The following TEX29 variants were observed in gnomAD, a reference collection of about 807,000 sequenced individuals.
TEX29 encodes testis expressed 29, also known as testis-expressed protein 29.
TEX29 carries 26 observed loss-of-function variants against 18.2 expected under a neutral mutation model. The observed-to-expected ratio is 1.43, with a 90% CI of 1.04 to 1.98. TEX29 has a LOEUF of 1.98. TEX29 is among the 30% of genes most tolerant of loss of function. The probability of loss-of-function intolerance (pLI) is 0.00; values close to 1 mark genes in which losing one functional copy is unlikely to be tolerated. For synonymous variants in TEX29, 83 were observed against 78.5 expected (o/e 1.06, Z -0.31); for missense variants, 177 against 194.2 (o/e 0.91, Z 0.53).
At chr13:111,320,578 C>T, upstream of TEX29, 1 of 474,090 alleles carries the variant, frequency 2.1e-6, no homozygotes, top group East Asian at 4.0e-5. Flanking sequence ...CCCACGTGAC[C>T]TCATGAGGCT....
At chr13:111,326,344 CTGGGGCTGGTGGG>C (rs2153641416) in intron 2 of TEX29, among the ~76,000 whole-genome samples, 1 of 11,150 alleles carries the variant, frequency 9.0e-5, no homozygotes, top group Non-Finnish European at 2.0e-4. Flanking sequence ...CAACGCGAGC[CTGGGGCTGGTGGG>C]TGTCTGGTGG....
At chr13:111,341,734 G>A (rs1251593872) in intron 4 of TEX29, among the ~76,000 whole-genome samples, 2 of 150,274 alleles carry the variant, frequency 1.3e-5, no homozygotes, top group African/African-American at 2.5e-5. Flanking sequence ...ATCATAACCC[G>A]TGTTTAGTGA....
At chr13:111,338,063 G>A (rs1567163903) in intron 3 of TEX29, among the ~76,000 whole-genome samples, 1 of 152,180 alleles carries the variant, frequency 6.6e-6, no homozygotes, top group South Asian at 2.1e-4. Flanking sequence ...TCCAGGGAGT[G>A]CGGATCCCTT....
At chr13:111,339,761 C>T (rs980299563) in intron 3 of TEX29, 102 bp from the exon 4 acceptor site, 70 of 1,173,730 alleles carry the variant, frequency 6.0e-5, no homozygotes, top group Admixed American at 4.5e-4. Context: ...GCAGCCGCGC[C>T]GGGAGGGCCC....
rs181566426 is a variant in TEX29 at position 111,324,748 on chromosome 13, G to A, written c.59-3435G>A. 5.6e-4 allele frequency among the ~76,000 whole-genome samples: 85 copies of A among 152,314 alleles called. 1 individual carries two copies. The East Asian group carries it at 9.3e-3, about 17-fold the overall frequency. ...TTAAAACGATGATGCCTCACTGCCT[G>A]GGTCGGAAAGCCCTGGCCTCAGATC... On this transcript the variant is annotated intron_variant, in intron 2 of 5. Transcript: ENST00000283547.
chr13:111,339,764 G>T (rs1231085550), intron 3 of TEX29, 99 bp from the exon 4 acceptor site: 19 of 1,223,466 alleles, frequency 1.6e-5, no homozygotes, highest in Non-Finnish European at 2.3e-5. Context: ...GCCGCGCCGG[G>T]AGGGCCCGCA....
upstream of TEX29, among the ~76,000 whole-genome samples, chr13:111,316,578 G>A (rs541448072): frequency 5.9e-5 from 9 of 152,336 alleles, no homozygotes; most frequent in South Asian, 1.7e-3. Context: ...GGAGTGTAAC[G>A]CTGGGCCCGG....
In TEX29 at chr13:111,342,772, A is replaced by C. The variant is rs761433312; in HGVS notation, c.256A>C (p.Arg86=). The C allele has an allele frequency of 1.2e-6, 2 of 1,614,032 alleles. No homozygotes were observed. The highest frequency in any genetic ancestry group is 1.7e-6 in the Non-Finnish European group (2 of 1,180,004). ...TIIYRVIQES[R]KEKAIPVDVA... is the part of the protein sequence containing the mutation. The stretch of plus-strand genomic sequence containing the variant: ...TCCCATCAGAGTCATTCAGGAGAGC[A>C]GGAAAGAAAAGGCCATCCCTGTGGA... Residue 86 remains arginine, a synonymous_variant, in exon 5 of 6, where the codon AGG becomes CGG. Transcript: ENST00000283547.
At chr13:111,327,431 G>A (rs1045837131) in intron 2 of TEX29, among the ~76,000 whole-genome samples, 1 of 152,178 alleles carries the variant, frequency 6.6e-6, no homozygotes, top group Non-Finnish European at 1.5e-5. Context: ...CAGTGGCTTG[G>A]GTGCAGCCTT....
upstream of TEX29, among the ~76,000 whole-genome samples, chr13:111,317,249 C>T (rs765425619): frequency 1.6e-4 from 25 of 152,050 alleles, no homozygotes; most frequent in Admixed American, 1.2e-3. Flanking sequence ...GGAATCATCC[C>T]GGGAGCCGTC....
upstream of TEX29, among the ~76,000 whole-genome samples, chr13:111,319,734 C>T (rs955230851): frequency 1.3e-5 from 2 of 152,160 alleles, no homozygotes; most frequent in African/African-American, 4.8e-5. Context: ...CTCAAGCGAT[C>T]CTCCCGCCTT....
Position 111,342,805 on chromosome 13 carries a change from C to G in TEX29, c.289C>G (p.Leu97Val), listed in dbSNP as rs149892299. Residue 97 changes from leucine to valine, a missense_variant, in exon 5 of 6, where the codon CTG (leucine) becomes GTG (valine). Transcript: ENST00000283547. ...KEKAIPVDVA[L>V]PQKSSEKAEL... ...AAAGGCCATCCCTGTGGATGTCGCGCTGCCACAGAAGTCCAGCGAAAAGGC... is the reference window on the plus strand; with the variant it reads ...AAAGGCCATCCCTGTGGATGTCGCGGTGCCACAGAAGTCCAGCGAAAAGGC... The G allele has an allele frequency of 5.0e-4, 814 of 1,614,102 alleles. 2 individuals carry two copies. Among genetic ancestry groups the G allele is most frequent in the Admixed American group, 1.7e-3 (101 of 60,016 alleles).
intron 3 of TEX29, among the ~76,000 whole-genome samples, chr13:111,329,687 G>A (rs533076168): frequency 1.1e-4 from 17 of 152,198 alleles, no homozygotes; most frequent in African/African-American, 3.1e-4. Context: ...GCTGACTTGC[G>A]CTTCCAACTT....
intron 3 of TEX29, among the ~76,000 whole-genome samples, chr13:111,331,316 A>ATTTTTTTTT (rs56208500): frequency 7.6e-6 from 1 of 131,038 alleles, no homozygotes; most frequent in African/African-American, 2.8e-5. Flanking sequence ...CCATTGTTGC[A>ATTTTTTTTT]TTTTTTTTTT....
At chr13:111,332,482 T>C (rs977012268) in intron 3 of TEX29, among the ~76,000 whole-genome samples, 2 of 152,162 alleles carry the variant, frequency 1.3e-5, no homozygotes, top group African/African-American at 4.8e-5. Flanking sequence ...TCTGAAAATA[T>C]AGTTTTACTT....
intron 3 of TEX29, chr13:111,339,408 A>G: frequency 2.2e-6 from 1 of 454,756 alleles, no homozygotes; most frequent in Admixed American, 2.4e-5. Context: ...GTCAGGAGCC[A>G]GCACCATCTA....
chr13:111,318,535 A>G (rs2093658403), upstream of TEX29, among the ~76,000 whole-genome samples: 1 of 152,186 alleles, frequency 6.6e-6, no homozygotes, highest in Admixed American at 6.5e-5. Flanking sequence ...AGTCTGGGGC[A>G]GTCCCTGCCG....
At chr13:111,339,182 G>C in intron 3 of TEX29, 4 of 447,008 alleles carry the variant, frequency 8.9e-6, no homozygotes, top group Non-Finnish European at 1.8e-5. Context: ...TTTTGCTGAG[G>C]CTGGGTTGGA....
Position 111,320,935 on chromosome 13 carries a change from G to T in TEX29, c.45G>T (p.Leu15=). 1 of 1,373,366 alleles carries T rather than the reference G, an allele frequency of 7.3e-7. No homozygotes were observed. The highest frequency in any genetic ancestry group is 1.6e-5 in the African/African-American group (1 of 63,800). The allele number at this position is 1,373,366 out of a possible 1,614,324, so 85.1% of individuals were successfully genotyped here. A position where few individuals can be genotyped will look rare whatever the true frequency, so the allele number is the denominator to read the frequency against. Residue 15 remains leucine, a synonymous_variant, in exon 2 of 6, where the codon CTG becomes CTT. Transcript: ENST00000283547. ...TGAAGAACTCTCCGCGGCACCTCCT[G>T]AAGCAATTCACAGGTATGGAGGGAA... ...LEVKNSPRHL[L]KQFTVCDVPL... is the part of the protein sequence containing the mutation.
Sources: gnomAD v4.1 joint callset for allele counts (sites outside exome capture counted in the v4.1 genomes callset) on GRCh38, gnomAD v4.1.1 for gene constraint, MANE v1.5 for transcripts, NCBI Gene and HGNC (gene_info 2026-07-23, HGNC 2026-07-21) for gene names.